The following PTPRD variants were observed in gnomAD, a reference collection of about 807,000 sequenced individuals.
PTPRD encodes receptor-type tyrosine-protein phosphatase delta.
Under a neutral mutation model 214.5 loss-of-function variants are expected in PTPRD, and 34 were observed. The observed-to-expected ratio is 0.16, with a 90% CI of 0.12 to 0.21. The LOEUF is 0.21. Among genes scored for constraint, PTPRD ranks in the 10% least tolerant of loss-of-function variants. The pLI is 1.00. For synonymous variants in PTPRD, 1,128 were observed against 845.7 expected, an observed-to-expected ratio of 1.33 and a Z score of -5.79; for missense variants, 2,545 against 2,398.7, an observed-to-expected ratio of 1.06 and a Z score of -1.27.
intron 5 of PTPRD, among the ~76,000 whole-genome samples, chr9:9,908,254 G>A (rs940012120): frequency 1.3e-5 from 2 of 151,944 alleles, no homozygotes; most frequent in African/African-American, 4.8e-5. Flanking sequence ...ATGTGCCTAT[G>A]CTGGCAGTGA....
chr9:9,965,132 A>T (rs879719507), intron 4 of PTPRD, among the ~76,000 whole-genome samples: 10 of 152,186 alleles, frequency 6.6e-5, no homozygotes, highest in Non-Finnish European at 1.5e-4. Context: ...CAAATTTTTC[A>T]TAACGTGGAT....
chr9:8,786,351 C>G (rs1045480563), intron 11 of PTPRD, among the ~76,000 whole-genome samples: 1 of 146,254 alleles, frequency 6.8e-6, no homozygotes, highest in Non-Finnish European at 1.5e-5. Context: ...GTATTAGGCA[C>G]TATGTTTTGA....
chr9:9,527,825 G>A (rs1252712591), intron 8 of PTPRD, among the ~76,000 whole-genome samples: 1 of 152,068 alleles, frequency 6.6e-6, no homozygotes, highest in Non-Finnish European at 1.5e-5. Flanking sequence ...CTTGTTGCTA[G>A]ATATTCTACC....
At chr9:9,231,242 C>T (rs2099962926) in intron 9 of PTPRD, among the ~76,000 whole-genome samples, 1 of 152,080 alleles carries the variant, frequency 6.6e-6, no homozygotes, top group Non-Finnish European at 1.5e-5. Context: ...AGAATTCCAT[C>T]CTTTGTACCC....
intron 2 of PTPRD, among the ~76,000 whole-genome samples, chr9:10,413,449 G>T (rs549886739): frequency 6.6e-6 from 1 of 151,696 alleles, no homozygotes; most frequent in Admixed American, 6.6e-5. Flanking sequence ...ATTGCCCAAA[G>T]AATCAGAGAT....
At chr9:10,058,481 T>G (rs550557473) in intron 3 of PTPRD, among the ~76,000 whole-genome samples, 1 of 152,224 alleles carries the variant, frequency 6.6e-6, no homozygotes, top group South Asian at 2.1e-4. Flanking sequence ...CAGGTTACAA[T>G]CTTCAAGTTA....
intron 3 of PTPRD, among the ~76,000 whole-genome samples, chr9:10,241,012 G>C (rs1595101132): frequency 9.3e-6 from 1 of 107,366 alleles, no homozygotes. Flanking sequence ...ATAAATACCA[G>C]AGTAGAAAAA....
intron 9 of PTPRD, among the ~76,000 whole-genome samples, chr9:9,363,517 T>A (rs937954571): frequency 4.0e-5 from 6 of 151,458 alleles, no homozygotes; most frequent in African/African-American, 1.5e-4. Flanking sequence ...GATCATAAAT[T>A]GCTAGAACAT....
Position 10,396,653 on chromosome 9 carries a change from G to A in PTPRD, c.-599-55636C>T, listed in dbSNP as rs564438810. Among the ~76,000 whole-genome samples the A allele has an allele frequency of 1.3e-5, 2 of 152,090 alleles. 1 individual carries two copies. Among genetic ancestry groups the A allele is most frequent in the African/African-American group, 4.8e-5 (2 of 41,534 alleles). On this transcript the variant is annotated intron_variant, in intron 2 of 45. Coordinates refer to ENST00000381196, the MANE Select transcript of PTPRD (RefSeq NM_002839.4). The stretch of plus-strand genomic sequence containing the variant: ...AGTAAAAGATTTGATGGAAATACGA[G>A]TAAAGCACCTTCTTAATGAGATTTG...
intron 4 of PTPRD, among the ~76,000 whole-genome samples, chr9:10,000,464 G>A (rs1239614621): frequency 1.3e-5 from 2 of 152,092 alleles, no homozygotes; most frequent in Non-Finnish European, 2.9e-5. Context: ...CACCTCAGGA[G>A]AAGACCCAAC....
rs2099604260 is a variant in PTPRD at position 10,230,314 on chromosome 9, G to T, written c.-545+110649C>A. On this transcript the variant is annotated intron_variant, in intron 3 of 45. Transcript: ENST00000381196. ...GCCATTCGATTTATGGGACTTTGTT[G>T]TGGAAGCTGTAACAAACTAATATAA... 2.6e-5 allele frequency among the ~76,000 whole-genome samples: 4 copies of T among 151,988 alleles called. 1 individual carries two copies. Among genetic ancestry groups the T allele is most frequent in the Admixed American group, 2.6e-4 (4 of 15,234 alleles).
chr9:8,681,154 C>T (rs1053403230), intron 12 of PTPRD, among the ~76,000 whole-genome samples: 1 of 152,148 alleles, frequency 6.6e-6, no homozygotes, highest in African/African-American at 2.4e-5. Context: ...CATGCCAACA[C>T]ATCCACAGCT....
chr9:8,450,305 C>T (rs1304667242), intron 33 of PTPRD, among the ~76,000 whole-genome samples: 2 of 152,086 alleles, frequency 1.3e-5, no homozygotes, highest in South Asian at 4.1e-4. Flanking sequence ...GTGGTGACTA[C>T]AGAGAGTAGA....
intron 9 of PTPRD, among the ~76,000 whole-genome samples, chr9:9,183,947 TA>T (rs1593102709): frequency 6.6e-6 from 1 of 152,180 alleles, no homozygotes; most frequent in African/African-American, 2.4e-5. Flanking sequence ...CTGAAACATA[TA>T]AAAAGGCACA....
intron 10 of PTPRD, among the ~76,000 whole-genome samples, chr9:9,030,202 C>T (rs1045785416): frequency 2.7e-5 from 4 of 149,264 alleles, no homozygotes; most frequent in African/African-American, 5.0e-5. Context: ...CAACCCTCAA[C>T]CATGAAATCT....
intron 9 of PTPRD, among the ~76,000 whole-genome samples, chr9:9,378,299 C>A (rs561187638): frequency 1.3e-5 from 2 of 152,018 alleles, no homozygotes; most frequent in Non-Finnish European, 2.9e-5. Context: ...TTTCAGATGG[C>A]CTTTTTTTCA....
chr9:9,803,345 T>A (rs1204278648), intron 5 of PTPRD, among the ~76,000 whole-genome samples: 1 of 151,956 alleles, frequency 6.6e-6, no homozygotes, highest in African/African-American at 2.4e-5. Context: ...ACAAAATTTT[T>A]AAGTCACTCT....
At position 9,879,134 on chromosome 9, in the gene PTPRD, A is replaced by G. The variant is rs547392243; in HGVS notation, c.-368+59373T>C. On this transcript the variant is annotated intron_variant, in intron 5 of 45. Coordinates refer to ENST00000381196, the MANE Select transcript of PTPRD (RefSeq NM_002839.4). ...AATCTATAATTTAGCCTTAGGCTCCATTCTCCATAGAGACAGAGTATGAAG... is the reference window on the plus strand; with the variant it reads ...AATCTATAATTTAGCCTTAGGCTCCGTTCTCCATAGAGACAGAGTATGAAG... Among the ~76,000 whole-genome samples, 7 of 152,346 alleles carry G rather than the reference A, an allele frequency of 4.6e-5. No homozygotes were observed. In the South Asian group the frequency reaches 1.2e-3, roughly 27 times the overall value.
intron 5 of PTPRD, among the ~76,000 whole-genome samples, chr9:9,805,495 A>G (rs1039015472): frequency 6.6e-6 from 1 of 152,172 alleles, no homozygotes; most frequent in Non-Finnish European, 1.5e-5. Flanking sequence ...AACAGATCCA[A>G]TGTAAATATT....
Sources: gnomAD v4.1 joint callset for allele counts (sites outside exome capture counted in the v4.1 genomes callset) on GRCh38, gnomAD v4.1.1 for gene constraint, MANE v1.5 for transcripts, NCBI Gene and HGNC (gene_info 2026-07-23, HGNC 2026-07-21) for gene names.